The following EYS variants were observed in gnomAD, a reference collection of about 807,000 sequenced individuals.
EYS encodes the protein protein eyes shut homolog.
A neutral mutation model predicts 282.1 loss-of-function variants in EYS; 250 were observed. That is an observed-to-expected ratio of 0.89 (90% CI 0.80 to 0.98). The LOEUF (loss-of-function observed/expected upper bound fraction) is 0.98. Among genes scored for constraint, EYS ranks in the 50% least tolerant of loss-of-function variants. EYS has a pLI of 0.00. For synonymous variants in EYS, 1,355 were observed against 1,282.9 expected (o/e 1.06, Z -1.20); for missense variants, 4,016 against 3,709.0 (o/e 1.08, Z -2.15).
At chr6:65,397,320 G>A (rs949002357) in intron 7 of EYS, among the ~76,000 whole-genome samples, 2 of 151,684 alleles carry the variant, frequency 1.3e-5, no homozygotes, top group African/African-American at 2.4e-5. Flanking sequence ...CCCATAACCC[G>A]AATAGTGAAC....
At chr6:65,255,099 G>A in intron 12 of EYS, among the ~76,000 whole-genome samples, 1 of 151,740 alleles carries the variant, frequency 6.6e-6, no homozygotes, top group Non-Finnish European at 1.5e-5. Context: ...GAACAAAACT[G>A]GAGATATCTC....
intron 30 of EYS, among the ~76,000 whole-genome samples, chr6:64,244,520 T>C (rs1396427908): frequency 2.0e-5 from 3 of 152,210 alleles, no homozygotes; most frequent in African/African-American, 7.2e-5. Flanking sequence ...TAGGTTGTTT[T>C]ACAGGGGGCT....
chr6:64,125,875 G>T (rs377151778), intron 31 of EYS, among the ~76,000 whole-genome samples: 1 of 146,222 alleles, frequency 6.8e-6, no homozygotes, highest in African/African-American at 2.5e-5. Flanking sequence ...AATATAAATT[G>T]TATCAGCCCA....
At position 64,985,685 on chromosome 6, in the gene EYS, T is replaced by C. The variant is rs576741393; in HGVS notation, c.2259+11897A>G. ...GTTAGACAAACTATTGGACACAATA[T>C]GAGTTTCAGAGAAAAACTGATTCTT... is the stretch of plus-strand genomic sequence containing the variant. On this transcript the variant is annotated intron_variant, in intron 14 of 42. Transcript: ENST00000503581. Among the ~76,000 whole-genome samples, 30 of 151,722 alleles carry C rather than the reference T, an allele frequency of 2.0e-4. 1 individual carries two copies. In the South Asian group the frequency reaches 5.0e-3, roughly 25 times the overall value.
intron 12 of EYS, among the ~76,000 whole-genome samples, chr6:65,114,890 C>T (rs902173461): frequency 3.9e-5 from 6 of 151,996 alleles, no homozygotes; most frequent in African/African-American, 1.4e-4. Flanking sequence ...CAACTTTTCT[C>T]ATAATGCTAG....
chr6:63,746,851 A>G (rs575370003), intron 41 of EYS, among the ~76,000 whole-genome samples: 13 of 151,826 alleles, frequency 8.6e-5, no homozygotes, highest in African/African-American at 3.1e-4. Context: ...CTAGCAATCT[A>G]TCTATTTTGT....
At chr6:64,878,348 T>G (rs891498253) in intron 19 of EYS, among the ~76,000 whole-genome samples, 2 of 152,112 alleles carry the variant, frequency 1.3e-5, no homozygotes, top group Admixed American at 6.6e-5. Flanking sequence ...TGCGTATAGT[T>G]TGGTAGTTGT....
In EYS at chr6:65,095,763, A is replaced by G. The variant is rs77100847; in HGVS notation, c.2024-38036T>C. Among the ~76,000 whole-genome samples the G allele has an allele frequency of 7.2e-3, 1,082 of 151,230 alleles. 15 individuals carry two copies. The highest frequency in any genetic ancestry group is 0.025 in the African/African-American group (1,024 of 41,464). Reference sequence around the variant, plus strand: ...AAATTCAGCATGCTCTCATGGTAAAATTTCTCAAAAACTATGCATAGACGG... The same window carrying G: ...AAATTCAGCATGCTCTCATGGTAAAGTTTCTCAAAAACTATGCATAGACGG... On this transcript the variant is annotated intron_variant, in intron 12 of 42. Transcript: ENST00000503581.
intron 13 of EYS, among the ~76,000 whole-genome samples, chr6:65,011,416 G>T (rs146749757): frequency 6.6e-6 from 1 of 152,082 alleles, no homozygotes; most frequent in Non-Finnish European, 1.5e-5. Context: ...ACTACAAATC[G>T]TTCTTCAAAT....
chr6:65,041,734 T>C (rs1406899353), intron 13 of EYS, among the ~76,000 whole-genome samples: 1 of 151,678 alleles, frequency 6.6e-6, no homozygotes, highest in Non-Finnish European at 1.5e-5. Flanking sequence ...TTAGCCTAGT[T>C]AATAAGGTCA....
chr6:65,460,968 T>G (rs1764808182), intron 5 of EYS, among the ~76,000 whole-genome samples: 1 of 152,154 alleles, frequency 6.6e-6, no homozygotes, highest in African/African-American at 2.4e-5. Flanking sequence ...GGTCAAATAC[T>G]GTTTCTATAT....
chr6:64,146,649 A>C (rs1774527707), intron 31 of EYS, among the ~76,000 whole-genome samples: 2 of 152,100 alleles, frequency 1.3e-5, no homozygotes. Context: ...AATCAGTCTA[A>C]ATAATAGAAG....
At chr6:65,144,277 A>G (rs1029072956) in intron 12 of EYS, among the ~76,000 whole-genome samples, 1 of 152,138 alleles carries the variant, frequency 6.6e-6, no homozygotes, top group Non-Finnish European at 1.5e-5. Context: ...TCTGAGATAC[A>G]CCACTTTGTG....
intron 36 of EYS, among the ~76,000 whole-genome samples, chr6:63,816,621 C>T (rs1771183931): frequency 6.6e-6 from 1 of 152,218 alleles, no homozygotes; most frequent in Admixed American, 6.5e-5. Context: ...CTGGGGACAG[C>T]TGTGCAACTA....
chr6:65,591,664 G>A (rs182248407), intron 2 of EYS, among the ~76,000 whole-genome samples: 263 of 151,824 alleles, frequency 1.7e-3, no homozygotes, highest in Middle Eastern at 6.8e-3. Context: ...TTATATGCAT[G>A]TCACCATTCT....
At chr6:64,307,343 T>A (rs1413724654) in intron 29 of EYS, among the ~76,000 whole-genome samples, 2 of 152,080 alleles carry the variant, frequency 1.3e-5, no homozygotes, top group African/African-American at 4.8e-5. Context: ...TTTGTGTACA[T>A]ACAAACACAA....
At chr6:64,153,583 GC>G (rs1417616290) in intron 31 of EYS, among the ~76,000 whole-genome samples, 1 of 152,186 alleles carries the variant, frequency 6.6e-6, no homozygotes, top group Non-Finnish European at 1.5e-5. Flanking sequence ...ATTAGGGAAA[GC>G]AAGACAGATT....
At chr6:64,279,902 T>G (rs1308973409) in intron 30 of EYS, among the ~76,000 whole-genome samples, 1 of 152,202 alleles carries the variant, frequency 6.6e-6, no homozygotes, top group African/African-American at 2.4e-5. Context: ...CTGTATCAAA[T>G]TAAATAATTA....
chr6:65,301,863 G>A (rs1165617039), intron 11 of EYS, among the ~76,000 whole-genome samples: 1 of 152,226 alleles, frequency 6.6e-6, no homozygotes, highest in African/African-American at 2.4e-5. Flanking sequence ...TGGACCTTGA[G>A]AAGGAGGCTG....
Sources: gnomAD v4.1 joint callset for allele counts (sites outside exome capture counted in the v4.1 genomes callset) on GRCh38, gnomAD v4.1.1 for gene constraint, MANE v1.5 for transcripts, NCBI Gene and HGNC (gene_info 2026-07-23, HGNC 2026-07-21) for gene names.